The following SCUBE1 variants were observed in gnomAD, a reference collection of about 807,000 sequenced individuals.
SCUBE1 encodes the protein signal peptide, CUB and EGF-like domain-containing protein 1.
A neutral mutation model predicts 124.4 loss-of-function variants in SCUBE1; 59 were observed. The observed-to-expected ratio is 0.47, with a 90% CI of 0.38 to 0.59. The LOEUF is 0.59. SCUBE1 is among the 20% of genes least tolerant of loss of function. The pLI, the probability that SCUBE1 is intolerant of heterozygous loss-of-function variation, is 0.00. For missense variants in SCUBE1, 1,150 were observed against 1,371.2 expected (o/e 0.84, Z 2.55); for synonymous variants, 545 against 550.9 (o/e 0.99, Z 0.15).
intron 2 of SCUBE1, among the ~76,000 whole-genome samples, chr22:43,324,107 A>G (rs1489593357): frequency 6.6e-6 from 1 of 152,208 alleles, no homozygotes. Flanking sequence ...TAGTTAGAGA[A>G]TATCATACAC....
chr22:43,290,583 C>T (rs572322864), intron 4 of SCUBE1, among the ~76,000 whole-genome samples: 34 of 152,032 alleles, frequency 2.2e-4, no homozygotes, highest in East Asian at 5.8e-4. Context: ...AAACAGCAGG[C>T]GCCCGACCAC....
chr22:43,219,809 G>A (rs1293774949), intron 14 of SCUBE1, among the ~76,000 whole-genome samples: 1 of 152,014 alleles, frequency 6.6e-6, no homozygotes, highest in Non-Finnish European at 1.5e-5. Flanking sequence ...CCCGTGGGGG[G>A]CAGACCTCAG....
Position 43,201,728 on chromosome 22 carries a change from G to C in SCUBE1, c.*2269C>G, listed in dbSNP as rs1019145706. On this transcript the variant is annotated 3_prime_UTR_variant, in exon 22 of 22. Transcript: ENST00000360835. ...AGACAGCCGATCGTGGGACTTGTTGGCCTCCAGAATCTGTGAGCCAGTTCC... is the reference window on the plus strand; with the variant it reads ...AGACAGCCGATCGTGGGACTTGTTGCCCTCCAGAATCTGTGAGCCAGTTCC... 1 of 152,182 alleles carries C rather than the reference G, an allele frequency of 6.6e-6. No individual in the cohort carries two copies. The highest frequency in any genetic ancestry group is 1.5e-5 in the Non-Finnish European group (1 of 68,056). The allele number at this position is 152,182 out of a possible 1,614,324, so 9.4% of individuals were successfully genotyped here. A position where few individuals can be genotyped will look rare whatever the true frequency, so the allele number is the denominator to read the frequency against.
At position 43,200,058 on chromosome 22, in the gene SCUBE1, A is replaced by C. The variant is rs1392507343; in HGVS notation, c.*3939T>G. On this transcript the variant is annotated 3_prime_UTR_variant, in exon 22 of 22. Transcript: ENST00000360835. ...AAAGGTCCCCCCACGCCTGGGTCCC[A>C]CCTGACTCCTGGGAAGCTGTGCGGG... 6.6e-6 allele frequency: 1 copy of C among 152,260 alleles called. No homozygotes were observed. Among genetic ancestry groups the C allele is most frequent in the Admixed American group, 6.5e-5 (1 of 15,284 alleles). The allele number at this position is 152,260 out of a possible 1,614,324, so 9.4% of individuals were successfully genotyped here. A position where few individuals can be genotyped will look rare whatever the true frequency, so the allele number is the denominator to read the frequency against.
In SCUBE1 at chr22:43,213,937, T is replaced by C. The variant is rs535824936; in HGVS notation, c.2053+153A>G. 1.5e-4 allele frequency among the ~76,000 whole-genome samples: 23 copies of C among 152,212 alleles called. 1 individual carries two copies. In the East Asian group the frequency reaches 3.9e-3, roughly 26 times the overall value. On this transcript the variant is annotated intron_variant, in intron 16 of 21. Transcript: ENST00000360835. ...GTAAGTGATGACTGCACAGACATCG[T>C]GAAGGGTTTTGGAAACGACAAGGAA...
At chr22:43,249,313 GGGGAGCTGGGGTGGAC>G (rs762438305) in intron 6 of SCUBE1, among the ~76,000 whole-genome samples, 303 of 151,792 alleles carry the variant, frequency 2.0e-3, no homozygotes, top group Non-Finnish European at 3.4e-3. Context: ...GCGGGGTGGA[GGGGAGCTGGGGTGGAC>G]GGGAGCTGGG....
At chr22:43,296,526 C>T (rs1198304975) in intron 3 of SCUBE1, among the ~76,000 whole-genome samples, 1 of 152,226 alleles carries the variant, frequency 6.6e-6, no homozygotes, top group South Asian at 2.1e-4. Flanking sequence ...ACAGGAGGTC[C>T]CCTGGGCTCT....
In SCUBE1 at chr22:43,268,151, C is replaced by T. The variant is rs76360800; in HGVS notation, c.485-5306G>A. Among the ~76,000 whole-genome samples, 1,181 of 152,316 alleles carry T rather than the reference C, an allele frequency of 7.8e-3. 19 individuals carry two copies. Among genetic ancestry groups the T allele is most frequent in the South Asian group, 0.026 (126 of 4,822 alleles). On this transcript the variant is annotated intron_variant, in intron 4 of 21. Coordinates refer to ENST00000360835, the MANE Select transcript of SCUBE1 (RefSeq NM_173050.5). The stretch of plus-strand genomic sequence containing the variant: ...CCTGTGAGCTCTTCCAGAGCAGGGG[C>T]CCAGTCTACTCAGGCCCAACCCCAA...
rs1310228255 is a variant in SCUBE1, at chr22:43,305,942, T to C, written c.349+13995A>G. Among the ~76,000 whole-genome samples the C allele has an allele frequency of 3.3e-5, 5 of 152,230 alleles. 1 individual carries two copies. Among genetic ancestry groups the C allele is most frequent in the South Asian group, 2.1e-4 (1 of 4,818 alleles). ...TGCCAGCAGTCTATTTCTAGCTGTA[T>C]GTGGTTGGGATGAGGTGGGTGACAG... On this transcript the variant is annotated intron_variant, in intron 3 of 21. Coordinates refer to ENST00000360835, the MANE Select transcript of SCUBE1 (RefSeq NM_173050.5).
chr22:43,327,076 T>C (rs1287641482), intron 2 of SCUBE1, among the ~76,000 whole-genome samples: 1 of 152,176 alleles, frequency 6.6e-6, no homozygotes, highest in East Asian at 1.9e-4. Context: ...TTCAAAGGCA[T>C]CCTCTGGGCA....
intron 4 of SCUBE1, among the ~76,000 whole-genome samples, chr22:43,281,514 A>AGCCATCCTCCTGTCACCTCCCTCTTTG (rs753998779): frequency 0.077 from 3,935 of 51,264 alleles, 215 homozygotes; most frequent in Middle Eastern, 0.13. Context: ...CCTCCTCCTC[A>AGCCATCCTCCTGTCACCTCCCTCTTTG]GCCACCCTCC....
At chr22:43,339,372 G>T in intron 1 of SCUBE1, 137 bp from the exon 2 acceptor site, 1 of 788,098 alleles carries the variant, frequency 1.3e-6, no homozygotes, top group Non-Finnish European at 2.0e-6. Context: ...AGCTGTCACA[G>T]GACAATCTGG....
At chr22:43,246,416 A>C (rs1184646249) in intron 6 of SCUBE1, among the ~76,000 whole-genome samples, 1 of 152,168 alleles carries the variant, frequency 6.6e-6, no homozygotes, top group African/African-American at 2.4e-5. Context: ...TCCGTGCACC[A>C]GGCGGACCCT....
chr22:43,245,326 C>T (rs950315136), intron 6 of SCUBE1, among the ~76,000 whole-genome samples: 3 of 152,240 alleles, frequency 2.0e-5, no homozygotes, highest in South Asian at 4.1e-4. Context: ...CACGCCTCCC[C>T]GCCTGCCTCT....
At chr22:43,236,257 C>A (rs1227407846) in intron 7 of SCUBE1, among the ~76,000 whole-genome samples, 1 of 152,194 alleles carries the variant, frequency 6.6e-6, no homozygotes, top group African/African-American at 2.4e-5. Flanking sequence ...CCAATGACAC[C>A]AACCCTGGGG....
rs3047381 is a variant in SCUBE1 at position 43,284,761 on chromosome 22, A to ATCGTCG, written c.484+6279_484+6284dup. On this transcript the variant is annotated intron_variant, in intron 4 of 21. Transcript: ENST00000360835. Reference sequence around the variant, plus strand: ...TGCAGCTCTTGCAATCATCATCGTCATCGTCGTCGTCGTCGTCGTCATCAT... The same window carrying ATCGTCG: ...TGCAGCTCTTGCAATCATCATCGTCATCGTCGTCGTCGTCGTCGTCGTCGTCATCAT... Among the ~76,000 whole-genome samples the ATCGTCG allele has an allele frequency of 4.0e-3, 599 of 151,466 alleles. 3 individuals carry two copies. Among genetic ancestry groups the ATCGTCG allele is most frequent in the African/African-American group, 0.014 (567 of 41,228 alleles).
chr22:43,299,385 C>A (rs910901763), intron 3 of SCUBE1, among the ~76,000 whole-genome samples: 6 of 152,240 alleles, frequency 3.9e-5, no homozygotes, highest in African/African-American at 1.4e-4. Context: ...GGGGAGCACT[C>A]AGACCCGCCT....
Position 43,255,636 on chromosome 22 carries a change from C to T in SCUBE1, c.727+2583G>A, listed in dbSNP as rs1012758608. 30 of 1,411,676 alleles carry T rather than the reference C, an allele frequency of 2.1e-5. No individual in the cohort carries two copies. The highest frequency in any genetic ancestry group is 2.0e-4 in the East Asian group (8 of 40,218). 87.4% of individuals were successfully genotyped at this position (1,411,676 alleles called of 1,614,324 possible). On this transcript the variant is annotated intron_variant, in intron 6 of 21. Transcript: ENST00000360835. This position sits in a 1 kb window ranked among gnomAD's most constrained non-coding sequence, Gnocchi z 4.7. ...GTGGTTAATGACAGCCCACTTCCCG[C>T]GGCCCAAGACAGTCAGCCTCTCGGC...
intron 1 of SCUBE1, among the ~76,000 whole-genome samples, chr22:43,340,327 C>T (rs1927268046): frequency 1.3e-5 from 2 of 152,160 alleles, no homozygotes; most frequent in Non-Finnish European, 2.9e-5. Flanking sequence ...AATGCAAGTT[C>T]AGTCTAGGCT....
Sources: allele counts gnomAD v4.1 joint callset (sites outside exome capture counted in the v4.1 genomes callset), GRCh38; gene constraint gnomAD v4.1.1; non-coding constraint Gnocchi (gnomAD v3.1); transcripts MANE v1.5; gene names NCBI Gene and HGNC (gene_info 2026-07-23, HGNC 2026-07-21).